The following CSRNP3 variants were observed in gnomAD, a reference collection of about 807,000 sequenced individuals.
The protein encoded by CSRNP3 is cysteine/serine-rich nuclear protein 3.
In CSRNP3, 12 loss-of-function variants were observed where a neutral mutation model predicts 48.0. That is an observed-to-expected ratio of 0.25 (90% CI 0.16 to 0.41). CSRNP3 has a LOEUF of 0.41. Among genes scored for constraint, CSRNP3 ranks in the 10% least tolerant of loss-of-function variants. The pLI is 1.00. For missense variants in CSRNP3, 580 were observed against 724.4 expected (o/e 0.80, Z 2.29); for synonymous variants, 263 against 269.7 (o/e 0.98, Z 0.24).
At chr2:165,523,227 C>T (rs976068815) in intron 3 of CSRNP3, among the ~76,000 whole-genome samples, 2 of 152,166 alleles carry the variant, frequency 1.3e-5, no homozygotes, top group African/African-American at 4.8e-5. Flanking sequence ...TACTTCCCAT[C>T]ACTGAGGCTG....
chr2:165,541,019 C>T (rs762504359), intron 3 of CSRNP3, among the ~76,000 whole-genome samples: 8 of 151,852 alleles, frequency 5.3e-5, no homozygotes, highest in African/African-American at 7.3e-5. Context: ...TACATTATAA[C>T]GTCTTGTATT....
At chr2:165,674,681 A>ATATATATATATATAT (rs1687390263) in intron 5 of CSRNP3, among the ~76,000 whole-genome samples, 1 of 103,232 alleles carries the variant, frequency 9.7e-6, no homozygotes, top group African/African-American at 4.7e-5. Flanking sequence ...AATACTTCTG[A>ATATATATATATATAT]ATATATATAT....
At chr2:165,575,451 T>C (rs891792495) in intron 3 of CSRNP3, among the ~76,000 whole-genome samples, 2 of 152,126 alleles carry the variant, frequency 1.3e-5, no homozygotes, top group Non-Finnish European at 2.9e-5. Flanking sequence ...GAAAATATGT[T>C]GGAAAAGATG....
chr2:165,632,256 TC>T (rs1686550635), intron 4 of CSRNP3, among the ~76,000 whole-genome samples: 3 of 152,214 alleles, frequency 2.0e-5, no homozygotes, highest in African/African-American at 7.2e-5. Flanking sequence ...GCATGGTAGT[TC>T]ACACCTGTAA....
rs547319394 is a variant in CSRNP3 at position 165,494,579 on chromosome 2, A to C, written c.-282-180A>C. Among the ~76,000 whole-genome samples the C allele has an allele frequency of 9.9e-5, 15 of 152,206 alleles. No individual in the cohort carries two copies. The South Asian group carries it at 1.0e-3, about 11-fold the overall frequency. ...ACACTGTTGTCAGAATGAGAATGAA[A>C]ATAACGACTTAGGGTAGAATAGTTT... On this transcript the variant is annotated intron_variant, in intron 1 of 6. Transcript: ENST00000651982.
intron 2 of CSRNP3, among the ~76,000 whole-genome samples, chr2:165,509,397 G>T (rs905507717): frequency 2.6e-5 from 4 of 152,230 alleles, no homozygotes; most frequent in Admixed American, 2.6e-4. Context: ...TGACACTTGT[G>T]TGAAGACTGG....
chr2:165,668,534 T>C (rs2105356900), intron 5 of CSRNP3, among the ~76,000 whole-genome samples: 1 of 151,424 alleles, frequency 6.6e-6, no homozygotes, highest in Non-Finnish European at 1.5e-5. Flanking sequence ...CCCAAATACC[T>C]GGGACTGCAG....
At chr2:165,589,032 A>G (rs961911577) in intron 3 of CSRNP3, among the ~76,000 whole-genome samples, 1 of 152,220 alleles carries the variant, frequency 6.6e-6, no homozygotes, top group Admixed American at 6.5e-5. Context: ...TTTGCTGTAT[A>G]CTACCAAGTT....
At chr2:165,613,867 G>A (rs894789912) in intron 4 of CSRNP3, among the ~76,000 whole-genome samples, 1 of 150,772 alleles carries the variant, frequency 6.6e-6, no homozygotes, top group African/African-American at 2.4e-5. Context: ...GCTGAGAATT[G>A]CTTTGGCTAT....
chr2:165,631,326 C>T (rs1029508647), intron 4 of CSRNP3, among the ~76,000 whole-genome samples: 1 of 152,140 alleles, frequency 6.6e-6, no homozygotes, highest in Non-Finnish European at 1.5e-5. Context: ...ATGTGCAGGC[C>T]ATGAGTGTCC....
chr2:165,526,312 C>T (rs1203711768), intron 3 of CSRNP3, among the ~76,000 whole-genome samples: 1 of 152,030 alleles, frequency 6.6e-6, no homozygotes, highest in African/African-American at 2.4e-5. Context: ...TTAGAAAATT[C>T]TCTGAATTCT....
Position 165,679,732 on chromosome 2 carries a change from G to A in CSRNP3, c.1737G>A (p.Val579=). ...ILHEECIKSP[V]VETVPV ...ATGAAGAGTGCATCAAATCACCCGT[G>A]GTTGAGACAGTCCCTGTTTAGTAGC... Residue 579 remains valine, a synonymous_variant, in exon 7 of 7, where the codon GTG becomes GTA. Coordinates refer to ENST00000651982, the MANE Select transcript of CSRNP3 (RefSeq NM_001172173.2). 6.2e-7 allele frequency: 1 copy of A among 1,613,536 alleles called. No homozygotes were observed. The highest frequency in any genetic ancestry group is 8.5e-7 in the Non-Finnish European group (1 of 1,179,670).
intron 5 of CSRNP3, among the ~76,000 whole-genome samples, chr2:165,671,961 C>G (rs934525506): frequency 2.0e-5 from 3 of 152,190 alleles, no homozygotes; most frequent in African/African-American, 7.2e-5. Context: ...CACCTTTGCT[C>G]CAGTTGCCAA....
intron 2 of CSRNP3, among the ~76,000 whole-genome samples, chr2:165,505,970 A>C (rs746257021): frequency 6.6e-6 from 1 of 152,184 alleles, no homozygotes; most frequent in Non-Finnish European, 1.5e-5. Flanking sequence ...TAAAACAGAG[A>C]TATCCTAGCT....
intron 4 of CSRNP3, among the ~76,000 whole-genome samples, chr2:165,642,863 G>A (rs1243981109): frequency 1.3e-5 from 2 of 152,086 alleles, no homozygotes; most frequent in Non-Finnish European, 2.9e-5. Context: ...CGCCCAGCTT[G>A]CATATTCTTT....
At chr2:165,478,752 G>A (rs553374141) in intron 1 of CSRNP3, among the ~76,000 whole-genome samples, 5 of 152,314 alleles carry the variant, frequency 3.3e-5, no homozygotes, top group African/African-American at 9.6e-5. Flanking sequence ...GTCAGGCAAG[G>A]TGAGTTTTAA....
intron 3 of CSRNP3, among the ~76,000 whole-genome samples, chr2:165,523,236 T>A (rs1442838511): frequency 6.6e-6 from 1 of 152,240 alleles, no homozygotes; most frequent in Non-Finnish European, 1.5e-5. Flanking sequence ...TCACTGAGGC[T>A]GAGACCTTTT....
chr2:165,608,789 T>A (rs1686074342), intron 4 of CSRNP3, among the ~76,000 whole-genome samples: 2 of 147,996 alleles, frequency 1.4e-5, no homozygotes, highest in African/African-American at 2.5e-5. Flanking sequence ...GTAAAAAAAT[T>A]AAAAAAAAAA....
At chr2:165,557,983 C>T (rs1685181779) in intron 3 of CSRNP3, among the ~76,000 whole-genome samples, 1 of 152,120 alleles carries the variant, frequency 6.6e-6, no homozygotes. Context: ...TTAATGTTGG[C>T]CATTTTTCCC....
Sources: allele counts gnomAD v4.1 joint callset (sites outside exome capture counted in the v4.1 genomes callset), GRCh38; gene constraint gnomAD v4.1.1; transcripts MANE v1.5; gene names NCBI Gene and HGNC (gene_info 2026-07-23, HGNC 2026-07-21).